The following PIP variants were observed in gnomAD, a reference collection of about 807,000 sequenced individuals.
PIP encodes the protein prolactin induced protein, also known as prolactin-inducible protein.
PIP carries 9 observed loss-of-function variants against 12.8 expected under a neutral mutation model. The ratio of observed to expected loss-of-function variants is 0.70; its 90% CI spans 0.42 to 1.23. The LOEUF is 1.23. Among genes scored for constraint, PIP ranks in the 50% most tolerant of loss-of-function variants. The pLI is 0.00. For synonymous variants in PIP, 60 were observed against 66.1 expected (o/e 0.91, Z 0.45); for missense variants, 172 against 179.5 (o/e 0.96, Z 0.24).
At position 143,139,665 on chromosome 7, in the gene PIP, C is replaced by T. The variant is rs368424821; in HGVS notation, c.*23C>T. On this transcript the variant is annotated 3_prime_UTR_variant, in exon 4 of 4. Transcript: ENST00000291009. ...TAATGGAAGCCCTGTCTGTTTGCCA[C>T]ACCCAGGTGATTTCCTCTAAAGAAA... is the stretch of plus-strand genomic sequence containing the variant. 3.1e-5 allele frequency: 49 copies of T among 1,593,988 alleles called. No individual in the cohort carries two copies. Among genetic ancestry groups the T allele is most frequent in the Non-Finnish European group, 4.0e-5 (47 of 1,164,196 alleles).
At chr7:143,135,883 CT>C (rs1293076111) in intron 2 of PIP, among the ~76,000 whole-genome samples, 1 of 152,014 alleles carries the variant, frequency 6.6e-6, no homozygotes, top group African/African-American at 2.4e-5. Context: ...AGTCCAATCT[CT>C]GAACAAGGTC....
At position 143,133,875 on chromosome 7, in the gene PIP, G is replaced by A. The variant is rs1012388551; in HGVS notation, c.96-1319G>A. ...GGGTACAAGTGGTATTTGGTTACATGAGTAAGTTCTTTAGTGGTGATGAGA... is the reference window on the plus strand; with the variant it reads ...GGGTACAAGTGGTATTTGGTTACATAAGTAAGTTCTTTAGTGGTGATGAGA... On this transcript the variant is annotated intron_variant, in intron 1 of 3. Transcript: ENST00000291009. Among the ~76,000 whole-genome samples the A allele has an allele frequency of 3.3e-5, 5 of 151,400 alleles. No homozygotes were observed. In the East Asian group the frequency reaches 7.8e-4, roughly 24 times the overall value.
rs557159622 is a variant in PIP, at chr7:143,137,652, C to A, written c.202-1423C>A. ...CAGTGGCTTGTGCCTGTAATCCCAG[C>A]ACTTTGGGAGGCCAAAGTGGGCAGA... On this transcript the variant is annotated intron_variant, in intron 2 of 3. Coordinates refer to ENST00000291009, the MANE Select transcript of PIP (RefSeq NM_002652.3). Among the ~76,000 whole-genome samples, 3 of 152,190 alleles carry A rather than the reference C, an allele frequency of 2.0e-5. No individual in the cohort carries two copies. The East Asian group carries it at 5.8e-4, about 29-fold the overall frequency.
At chr7:143,139,217 A>G (rs770190176) in intron 3 of PIP, 28 bp downstream of exon 3, 2 of 1,254,918 alleles carry the variant, frequency 1.6e-6, no homozygotes, top group Non-Finnish European at 2.3e-6. Context: ...CCAAGGAGGG[A>G]ACTACCCACC....
intron 2 of PIP, 69 bp from the exon 3 acceptor site, chr7:143,139,006 C>T (rs1799337933): frequency 1.2e-6 from 1 of 834,150 alleles, no homozygotes; most frequent in Admixed American, 1.7e-5. Flanking sequence ...TTTCCCTCTC[C>T]TATTTTTCCC....
At chr7:143,139,319 G>A (rs2116573653) in intron 3 of PIP, 130 bp downstream of exon 3, 1 of 823,752 alleles carries the variant, frequency 1.2e-6, no homozygotes, top group Non-Finnish European at 2.1e-6. Context: ...GGGAGGGAGG[G>A]AAGAGCATGG....
chr7:143,138,974 C>A, intron 2 of PIP, 101 bp from the exon 3 acceptor site: 1 of 715,990 alleles, frequency 1.4e-6, no homozygotes, highest in Non-Finnish European at 2.6e-6. Context: ...CCCACCTCCA[C>A]CCCCACTCTT....
rs995846340 is a variant in PIP at position 143,136,031 on chromosome 7, C to T, written c.201+732C>T. Among the ~76,000 whole-genome samples, 7 of 152,134 alleles carry T rather than the reference C, an allele frequency of 4.6e-5. No homozygotes were observed. The South Asian group carries it at 1.0e-3, about 23-fold the overall frequency. On this transcript the variant is annotated intron_variant, in intron 2 of 3. Transcript: ENST00000291009. ...GCCCAAGGTACACCAAGGCTGTGCCCAAAGGATCACATTTTTGAGCAGCTT... is the reference window on the plus strand; with the variant it reads ...GCCCAAGGTACACCAAGGCTGTGCCTAAAGGATCACATTTTTGAGCAGCTT...
rs186145117 is a variant in PIP at position 143,135,341 on chromosome 7, A to G, written c.201+42A>G. The stretch of plus-strand genomic sequence containing the variant: ...GGGCGTGACTTCAAAAGATAATTCA[A>G]CTCCTTGATTATAAACATAATTTAA... On this transcript the variant is annotated intron_variant, in intron 2 of 3. Transcript: ENST00000291009. 987 of 848,192 alleles carry G rather than the reference A, an allele frequency of 1.2e-3. 11 individuals carry two copies. Among genetic ancestry groups the G allele is most frequent in the Non-Finnish European group, 1.9e-3 (918 of 496,078 alleles). The allele number at this position is 848,192 out of a possible 1,614,324, so 52.5% of individuals were successfully genotyped here.
chr7:143,134,231 T>C (rs1199850229), intron 1 of PIP, among the ~76,000 whole-genome samples: 4 of 80,874 alleles, frequency 4.9e-5, no homozygotes, highest in South Asian at 3.9e-4. Context: ...TATATATATA[T>C]ATACCACAGT....
At position 143,132,164 on chromosome 7, in the gene PIP, C is replaced by G. The variant is rs544936249; in HGVS notation, c.48C>G (p.Leu16=). Residue 16 remains leucine (L), a synonymous_variant, in exon 1 of 4, where the codon CTC becomes CTG. Coordinates refer to ENST00000291009, the MANE Select transcript of PIP (RefSeq NM_002652.3). ...TCAGGGCCAGCCCTGCCACCCTGCT[C>G]CTGGTTCTCTGCCTGCAGTTGGGGG... The part of the protein sequence containing the change: ...LLFRASPATL[L]LVLCLQLGAN... 23 of 1,613,000 alleles carry G rather than the reference C, an allele frequency of 1.4e-5. No individual in the cohort carries two copies. In the South Asian group the frequency reaches 2.3e-4, roughly 16 times the overall value.
At chr7:143,139,407 G>A in intron 3 of PIP, 111 bp from the exon 4 acceptor site, 1 of 1,405,036 alleles carries the variant, frequency 7.1e-7, no homozygotes, top group Non-Finnish European at 9.8e-7. Context: ...AGACAAATTT[G>A]CAAAGGATTT....
Position 143,139,501 on chromosome 7 carries a change from G to A in PIP, c.317-17G>A, listed in dbSNP as rs745973979. On this transcript the variant is annotated splice_polypyrimidine_tract_variant and intron_variant, in intron 3 of 3. Transcript: ENST00000291009. ...CCGGGGTGTCTGAGAGATGATCTCC[G>A]TCCCTGTCTTTTTCAGGAACTGTGC... 1.6e-4 allele frequency: 257 copies of A among 1,612,776 alleles called. 4 individuals carry two copies. Among genetic ancestry groups the A allele is most frequent in the Non-Finnish European group, 2.0e-4 (240 of 1,178,984 alleles).
chr7:143,132,130 AG>A lies in PIP; in HGVS notation c.15del (p.Gln5HisfsTer32). 6.2e-7 allele frequency: 1 copy of A among 1,612,666 alleles called. No homozygotes were observed. Among genetic ancestry groups the A allele is most frequent in the Non-Finnish European group, 8.5e-7 (1 of 1,178,722 alleles). The part of the protein sequence containing the change: MRLL[Q>X]LLFRASPATL... ...GTTTTCTCCAGCATGCGCTTGCTCC[AG>A]CTCCTGTTCAGGGCCAGCCCTGCCA... On this transcript the variant is annotated frameshift_variant, in exon 1 of 4. Transcript: ENST00000291009. LOFTEE classifies it high-confidence loss of function.
At chr7:143,135,828 T>G (rs1799304273) in intron 2 of PIP, among the ~76,000 whole-genome samples, 1 of 152,052 alleles carries the variant, frequency 6.6e-6, no homozygotes, top group Non-Finnish European at 1.5e-5. Flanking sequence ...CTCCCCACCC[T>G]GACAAGGAGC....
intron 1 of PIP, among the ~76,000 whole-genome samples, chr7:143,132,596 G>T (rs1799254872): frequency 6.6e-6 from 1 of 152,150 alleles, no homozygotes; most frequent in Non-Finnish European, 1.5e-5. Context: ...ACAGGTCTGT[G>T]AATTCCAATG....
At position 143,136,412 on chromosome 7, in the gene PIP, C is replaced by T. The variant is rs145295597; in HGVS notation, c.201+1113C>T. Among the ~76,000 whole-genome samples the T allele has an allele frequency of 1.3e-4, 20 of 152,202 alleles. No individual in the cohort carries two copies. In the East Asian group the frequency reaches 3.7e-3, roughly 28 times the overall value. On this transcript the variant is annotated intron_variant, in intron 2 of 3. Transcript: ENST00000291009. ...AACATGAAGATTGCTATTCAGTCAACTGCATTCTAGAAATATCCCCACACC... is the reference window on the plus strand; with the variant it reads ...AACATGAAGATTGCTATTCAGTCAATTGCATTCTAGAAATATCCCCACACC...
intron 1 of PIP, among the ~76,000 whole-genome samples, chr7:143,134,923 A>T (rs552789768): frequency 6.6e-6 from 1 of 152,208 alleles, no homozygotes; most frequent in South Asian, 2.1e-4. Flanking sequence ...CAGTAGTGGG[A>T]TTGCTGGATC....
rs1309655997 is a variant in PIP, at chr7:143,139,539, T to G, written c.338T>G (p.Val113Gly). 6.2e-7 allele frequency: 1 copy of G among 1,613,360 alleles called. No individual in the cohort carries two copies. The highest frequency in any genetic ancestry group is 1.1e-5 in the South Asian group (1 of 91,072). The change falls in exon 4 of 4, where the codon GTC becomes GGC. Residue 113 changes from valine to glycine, a missense_variant. Coordinates refer to ENST00000291009, the MANE Select transcript of PIP (RefSeq NM_002652.3). Reference sequence around the variant, plus strand: ...TCAGGAACTGTGCAAATTGCAGCCGTCGTTGATGTTATTCGGGAATTAGGC... The same window carrying G: ...TCAGGAACTGTGCAAATTGCAGCCGGCGTTGATGTTATTCGGGAATTAGGC... ...YTNRTVQIAA[V>G]VDVIRELGIC...
Sources: allele counts gnomAD v4.1 joint callset (sites outside exome capture counted in the v4.1 genomes callset), GRCh38; gene constraint gnomAD v4.1.1; transcripts MANE v1.5; gene names NCBI Gene and HGNC (gene_info 2026-07-23, HGNC 2026-07-21).